Variants in CCDC141 observed in about 807,000 individuals in gnomAD.
The protein encoded by CCDC141 is coiled-coil domain containing 141, also known as coiled-coil domain-containing protein 141.
CCDC141 carries 168 observed loss-of-function variants against 181.0 expected under a neutral mutation model. The ratio of observed to expected loss-of-function variants is 0.93; its 90% CI spans 0.82 to 1.05. The LOEUF (loss-of-function observed/expected upper bound fraction) is 1.05, where lower values mean the gene tolerates loss of function less well. Among genes scored for constraint, CCDC141 ranks in the 50% least tolerant of loss-of-function variants. The pLI is 0.00. For synonymous variants in CCDC141, 666 were observed against 642.3 expected, an observed-to-expected ratio of 1.04 and a Z score of -0.56; for missense variants, 1,902 against 1,788.5, an observed-to-expected ratio of 1.06 and a Z score of -1.14.
At position 178,888,605 on chromosome 2, in the gene CCDC141, G is replaced by T. The variant is rs1028888938; in HGVS notation, c.1329C>A (p.Thr443=). 6.4e-7 allele frequency: 1 copy of T among 1,550,602 alleles called. No homozygotes were observed. The highest frequency in any genetic ancestry group is 8.7e-7 in the Non-Finnish European group (1 of 1,146,872). ...ATTCCTTGTGCGCTGAACACTGTTCGGTCAGATGATCCACTCGTCTCTTAA... is the reference window on the plus strand; with the variant it reads ...ATTCCTTGTGCGCTGAACACTGTTCTGTCAGATGATCCACTCGTCTCTTAA... ...GCIKRRVDHL[T]EQCSAHKEYA... The change falls in exon 9 of 24, where the codon ACC becomes ACA. Residue 443 remains threonine (T), a synonymous_variant. Transcript: ENST00000443758.
chr2:179,017,498 G>C (rs912778090), intron 2 of CCDC141, among the ~76,000 whole-genome samples: 7 of 151,958 alleles, frequency 4.6e-5, no homozygotes, highest in African/African-American at 9.7e-5. Context: ...TCATTCCCCT[G>C]TTTTAAAGAG....
chr2:178,862,181 A>G (rs1441832403), intron 17 of CCDC141, among the ~76,000 whole-genome samples: 1 of 152,220 alleles, frequency 6.6e-6, no homozygotes, highest in Non-Finnish European at 1.5e-5. Flanking sequence ...TGACCGATAC[A>G]TGGAACATAT....
rs1354694165 is a variant in CCDC141 at position 179,015,297 on chromosome 2, T to TCTATATCATATATATCTC, written c.225+31986_225+31987insGAGATATATATGATATAG. On this transcript the variant is annotated intron_variant, in intron 2 of 23. Coordinates refer to ENST00000443758, the MANE Select transcript of CCDC141 (RefSeq NM_173648.4). ...TCTCATCTATCTCTCATATATCTCA[T>TCTATATCATATATATCTC]ATATGTATCATACATATCTCATATA... 5.3e-5 allele frequency among the ~76,000 whole-genome samples: 7 copies of TCTATATCATATATATCTC among 131,586 alleles called. No individual in the cohort carries two copies. In the East Asian group the frequency reaches 1.6e-3, roughly 30 times the overall value. The allele number at this position is 131,586 out of a possible 152,430, so 86.3% of individuals were successfully genotyped here. A position where few individuals can be genotyped will look rare whatever the true frequency, so the allele number is the denominator to read the frequency against.
At chr2:178,857,714 G>A (rs1685446508) in intron 17 of CCDC141, among the ~76,000 whole-genome samples, 1 of 152,144 alleles carries the variant, frequency 6.6e-6, no homozygotes, top group South Asian at 2.1e-4. Context: ...GCATTTAACA[G>A]CAAGAGTGAA....
intron 7 of CCDC141, among the ~76,000 whole-genome samples, chr2:178,909,839 C>T (rs1354620916): frequency 1.3e-5 from 2 of 152,120 alleles, no homozygotes; most frequent in African/African-American, 4.8e-5. Flanking sequence ...CAGTGTTTTC[C>T]CTTTGGTCTT....
chr2:178,948,861 T>C (rs1689837514), intron 5 of CCDC141, among the ~76,000 whole-genome samples: 2 of 152,190 alleles, frequency 1.3e-5, no homozygotes, highest in Admixed American at 6.5e-5. Context: ...AGATGCCCAA[T>C]CTTTCAGCCA....
intron 4 of CCDC141, among the ~76,000 whole-genome samples, chr2:178,967,800 C>T (rs778524343): frequency 7.2e-5 from 11 of 151,994 alleles, no homozygotes; most frequent in African/African-American, 2.2e-4. Flanking sequence ...ACTGGCAAAT[C>T]GGGTAGAGTC....
At chr2:178,997,887 T>A (rs1009222098) in intron 2 of CCDC141, among the ~76,000 whole-genome samples, 4 of 152,146 alleles carry the variant, frequency 2.6e-5, no homozygotes, top group African/African-American at 7.2e-5. Context: ...GCTCCAGCCT[T>A]TAACCCGTCC....
chr2:178,822,923 C>T, the CCDC141 span, among the ~76,000 whole-genome samples: 3 of 152,110 alleles, frequency 2.0e-5, no homozygotes, highest in Non-Finnish European at 1.5e-5. Context: ...ATTAAAATAA[C>T]CATGTAATCT....
chr2:179,036,891 T>C (rs2043160253), intron 2 of CCDC141, among the ~76,000 whole-genome samples: 1 of 152,244 alleles, frequency 6.6e-6, no homozygotes, highest in African/African-American at 2.4e-5. Flanking sequence ...AGATTCTGAA[T>C]CAACTGAGAA....
Position 178,969,104 on chromosome 2 carries a change from CAAA to C in CCDC141, c.526+5950_526+5952del, listed in dbSNP as rs55999054. 6.5e-3 allele frequency among the ~76,000 whole-genome samples: 334 copies of C among 51,178 alleles called. 1 individual carries two copies. The highest frequency in any genetic ancestry group is 0.032 in the South Asian group (36 of 1,128). 33.6% of individuals were successfully genotyped at this position (51,178 alleles called of 152,430 possible). On this transcript the variant is annotated intron_variant, in intron 4 of 23. Coordinates refer to ENST00000443758, the MANE Select transcript of CCDC141 (RefSeq NM_173648.4). ...AGGCAGTAATTAATAGCTTACCAAC[CAAA>C]AAAAAAAAAAAAAAAAAAAAAAAGC...
chr2:178,889,379 C>T (rs1180470630), intron 8 of CCDC141, among the ~76,000 whole-genome samples: 4 of 152,256 alleles, frequency 2.6e-5, no homozygotes, highest in African/African-American at 7.2e-5. Flanking sequence ...CAAGTTTCCT[C>T]ATATTGTTGA....
rs2042405336 is a variant in CCDC141 at position 179,015,089 on chromosome 2, T to TATTATATATA, written c.225+32194_225+32195insTATATATAAT. Among the ~76,000 whole-genome samples the TATTATATATA allele has an allele frequency of 4.2e-5, 2 of 47,124 alleles. 1 individual carries two copies. Among genetic ancestry groups the TATTATATATA allele is most frequent in the African/African-American group, 1.3e-4 (2 of 15,584 alleles). The allele number at this position is 47,124 out of a possible 152,430, so 30.9% of individuals were successfully genotyped here. A position where few individuals can be genotyped will look rare whatever the true frequency, so the allele number is the denominator to read the frequency against. On this transcript the variant is annotated intron_variant, in intron 2 of 23. Transcript: ENST00000443758. ...AGAGATATATATATATATATATATA[T>TATTATATATA]ATATATATATATATAATATATATAT...
chr2:178,919,679 A>G (rs1688602054), intron 6 of CCDC141, among the ~76,000 whole-genome samples: 2 of 152,262 alleles, frequency 1.3e-5, no homozygotes, highest in African/African-American at 4.8e-5. Flanking sequence ...GTAAATGTGT[A>G]CAAGAAATGA....
At chr2:178,926,720 C>A (rs1309031887) in intron 6 of CCDC141, 1 of 152,172 alleles carries the variant, frequency 6.6e-6, no homozygotes, top group East Asian at 1.9e-4. Flanking sequence ...AGAACAAGTT[C>A]TAATGTTCTA....
the CCDC141 span, among the ~76,000 whole-genome samples, chr2:178,815,186 C>T: frequency 6.6e-6 from 1 of 152,258 alleles, no homozygotes; most frequent in Admixed American, 6.5e-5. Context: ...TAATGATATG[C>T]TCCATAACAT....
intron 21 of CCDC141, among the ~76,000 whole-genome samples, chr2:178,847,989 G>A (rs1224577600): frequency 1.3e-5 from 2 of 152,180 alleles, no homozygotes; most frequent in Non-Finnish European, 2.9e-5. Flanking sequence ...CCAGAACTAT[G>A]AGAAACAAAT....
chr2:179,030,110 T>C (rs2042961876), intron 2 of CCDC141, among the ~76,000 whole-genome samples: 1 of 152,100 alleles, frequency 6.6e-6, no homozygotes, highest in East Asian at 1.9e-4. Context: ...AAATAACATA[T>C]ATATCTCCCC....
chr2:178,850,478 G>T (rs1441638850), intron 20 of CCDC141, among the ~76,000 whole-genome samples: 1 of 152,168 alleles, frequency 6.6e-6, no homozygotes, highest in Non-Finnish European at 1.5e-5. Context: ...GCTTAGAGAA[G>T]AATAAATTCC....
Sources: allele counts gnomAD v4.1 joint callset (sites outside exome capture counted in the v4.1 genomes callset), GRCh38; gene constraint gnomAD v4.1.1; transcripts MANE v1.5; gene names NCBI Gene and HGNC (gene_info 2026-07-23, HGNC 2026-07-21).